OR10R2: variants seen among roughly 807,000 people sequenced by gnomAD.
OR10R2 encodes olfactory receptor 10R2.
OR10R2 carries 1 observed loss-of-function variant against 2.4 expected under a neutral mutation model. The ratio of observed to expected loss-of-function variants is 0.41; its 90% CI spans 0.15 to 1.95. The LOEUF is 1.95. Ranked by LOEUF, OR10R2 falls within the 30% of genes most tolerant of loss-of-function variation. The pLI is 0.30. For missense variants in OR10R2, 419 were observed against 373.0 expected, an observed-to-expected ratio of 1.12 and a Z score of -1.01; for synonymous variants, 166 against 144.8, an observed-to-expected ratio of 1.15 and a Z score of -1.05.
chr1:158,476,235 T>C (rs988913809), intron 1 of OR10R2, among the ~76,000 whole-genome samples: 2 of 151,886 alleles, frequency 1.3e-5, no homozygotes, highest in Non-Finnish European at 2.9e-5. Flanking sequence ...TACAGACAGG[T>C]TTTCTATATT....
chr1:158,476,743 G>A (rs1203969123), intron 1 of OR10R2, among the ~76,000 whole-genome samples: 3 of 152,058 alleles, frequency 2.0e-5, no homozygotes, highest in African/African-American at 4.8e-5. Flanking sequence ...ATTTCAATGT[G>A]TAGATACAAG....
chr1:158,472,402 A>G (rs1656182640), intron 1 of OR10R2, 50 bp downstream of exon 1: 1 of 398,884 alleles, frequency 2.5e-6, no homozygotes, highest in African/African-American at 2.1e-5. Context: ...TAGCAGGAAG[A>G]TGTGTAATAT....
At chr1:158,479,566 T>C (rs1225552045) in intron 1 of OR10R2, among the ~76,000 whole-genome samples, 2 of 152,210 alleles carry the variant, frequency 1.3e-5, no homozygotes, top group African/African-American at 4.8e-5. Context: ...ATGTCTATGT[T>C]TTAATCACCA....
exon 2 of OR10R2, chr1:158,480,886 A>G: frequency 3.2e-6 from 4 of 1,237,186 alleles, no homozygotes; most frequent in Non-Finnish European, 4.5e-6. Context: ...ATATAATTGA[A>G]ATATTATTAC....
chr1:158,476,309 A>C (rs1557875742), intron 1 of OR10R2, among the ~76,000 whole-genome samples: 2 of 152,062 alleles, frequency 1.3e-5, no homozygotes, highest in Non-Finnish European at 2.9e-5. Context: ...GCACTTTGGG[A>C]GTCCGAGGTG....
chr1:158,479,848 T>C, intron 1 of OR10R2, 90 bp from the exon 2 acceptor site: 2 of 1,367,528 alleles, frequency 1.5e-6, no homozygotes, highest in Non-Finnish European at 2.0e-6. Context: ...GATTCTTCTT[T>C]GTCACCACCT....
chr1:158,478,915 C>T (rs1200970265), intron 1 of OR10R2, among the ~76,000 whole-genome samples: 4 of 152,100 alleles, frequency 2.6e-5, no homozygotes, highest in Admixed American at 2.0e-4. Context: ...CTCAACAGAA[C>T]CTATCTCCCA....
At chr1:158,475,569 T>G (rs1656254353) in intron 1 of OR10R2, among the ~76,000 whole-genome samples, 3 of 151,862 alleles carry the variant, frequency 2.0e-5, no homozygotes. Context: ...TGCTTTTATC[T>G]GTTTTCTTCT....
intron 1 of OR10R2, among the ~76,000 whole-genome samples, chr1:158,476,437 ACTCAGGAGG>A (rs1357646078): frequency 6.6e-6 from 1 of 151,196 alleles, no homozygotes; most frequent in African/African-American, 2.4e-5. Context: ...AGTCCCAGCT[ACTCAGGAGG>A]CTGAGGCAGG....
chr1:158,473,756 T>C (rs1307352668), intron 1 of OR10R2, among the ~76,000 whole-genome samples: 1 of 60,044 alleles, frequency 1.7e-5, no homozygotes, highest in Non-Finnish European at 3.5e-5. Context: ...TCCCTTTCTT[T>C]ATCCTTCCTT....
intron 1 of OR10R2, chr1:158,474,492 T>C (rs1375891897): frequency 6.6e-6 from 1 of 152,190 alleles, no homozygotes; most frequent in African/African-American, 2.4e-5. Flanking sequence ...TTTAAAGAAA[T>C]ACAGATTCTC....
intron 1 of OR10R2, among the ~76,000 whole-genome samples, chr1:158,477,266 A>C (rs1656288941): frequency 6.6e-6 from 1 of 152,192 alleles, no homozygotes; most frequent in Non-Finnish European, 1.5e-5. Context: ...TATTCTTGAG[A>C]ACTGAAACAA....
intron 1 of OR10R2, among the ~76,000 whole-genome samples, chr1:158,476,013 A>G (rs1656261310): frequency 6.6e-6 from 1 of 152,172 alleles, no homozygotes. Flanking sequence ...ATTAAGGTAT[A>G]AACTTTCTTC....
At chr1:158,477,282 G>A (rs1450931598) in intron 1 of OR10R2, among the ~76,000 whole-genome samples, 2 of 151,956 alleles carry the variant, frequency 1.3e-5, no homozygotes, top group Non-Finnish European at 2.9e-5. Context: ...AACAACACAA[G>A]GATACCCATT....
At chr1:158,480,576 T>G in exon 2 of OR10R2, 1 of 1,613,476 alleles carries the variant, frequency 6.2e-7, no homozygotes, top group African/African-American at 1.3e-5. Context: ...CCTTTCTGTT[T>G]ATCTGTGTTT....
exon 2 of OR10R2, chr1:158,480,343 A>T: frequency 6.2e-7 from 1 of 1,614,018 alleles, no homozygotes; most frequent in Non-Finnish European, 8.5e-7. Context: ...CCCCACTCTT[A>T]TGAGCTGGCA....
At chr1:158,474,988 T>C (rs928091263) in intron 1 of OR10R2, among the ~76,000 whole-genome samples, 2 of 152,178 alleles carry the variant, frequency 1.3e-5, no homozygotes, top group African/African-American at 2.4e-5. Context: ...GATAGAGCAC[T>C]TATTATGTAG....
chr1:158,479,267 C>A (rs1173413905), intron 1 of OR10R2, among the ~76,000 whole-genome samples: 7 of 152,060 alleles, frequency 4.6e-5, no homozygotes, highest in Non-Finnish European at 5.9e-5. Flanking sequence ...GATGAAAAGC[C>A]TGCTGGGATT....
chr1:158,475,421 AAC>A (rs1195856795), intron 1 of OR10R2, among the ~76,000 whole-genome samples: 1 of 152,086 alleles, frequency 6.6e-6, no homozygotes, highest in African/African-American at 2.4e-5. Flanking sequence ...CTAGTCATAT[AAC>A]ACCACCACAG....
Sources: gnomAD v4.1 joint callset for allele counts (sites outside exome capture counted in the v4.1 genomes callset) on GRCh38, gnomAD v4.1.1 for gene constraint, MANE v1.5 for transcripts, NCBI Gene and HGNC (gene_info 2026-07-23, HGNC 2026-07-21) for gene names.